Variants in CLHC1 observed in about 807,000 individuals in gnomAD.
The protein encoded by CLHC1 is clathrin heavy chain linker domain-containing protein 1.
A neutral mutation model predicts 69.5 loss-of-function variants in CLHC1; 72 were observed. The ratio of observed to expected loss-of-function variants is 1.04; its 90% CI spans 0.86 to 1.26. The LOEUF (loss-of-function observed/expected upper bound fraction) is 1.26, where lower values mean the gene tolerates loss of function less well. Ranked by LOEUF, CLHC1 falls within the 50% of genes most tolerant of loss-of-function variation. The pLI is 0.00. For synonymous variants in CLHC1, 223 were observed against 224.3 expected, an observed-to-expected ratio of 0.99 and a Z score of 0.05; for missense variants, 790 against 679.3, an observed-to-expected ratio of 1.16 and a Z score of -1.81.
chr2:55,202,637 C>G (rs575922071), intron 9 of CLHC1, among the ~76,000 whole-genome samples: 1 of 151,876 alleles, frequency 6.6e-6, no homozygotes, highest in African/African-American at 2.4e-5. Flanking sequence ...TGGCTAACAC[C>G]TGTAATCCCA....
At position 55,174,483 on chromosome 2, in the gene CLHC1, C is replaced by T. The variant is rs1391376489; in HGVS notation, c.*1307G>A. On this transcript the variant is annotated 3_prime_UTR_variant, in exon 13 of 13. Transcript: ENST00000401408. ...AGTAGAGAAATGTGTGTTTCTGGGG[C>T]CGATTACAAAGGAATTACAGCTATC... 3.3e-5 allele frequency among the ~76,000 whole-genome samples: 5 copies of T among 152,108 alleles called. No homozygotes were observed. Among genetic ancestry groups the T allele is most frequent in the Non-Finnish European group, 7.4e-5 (5 of 68,006 alleles).
chr2:55,188,837 C>A (rs1349814023), intron 9 of CLHC1, among the ~76,000 whole-genome samples: 2 of 151,878 alleles, frequency 1.3e-5, no homozygotes, highest in Non-Finnish European at 2.9e-5. Flanking sequence ...TAATTATAAG[C>A]AATAGTATAA....
intron 5 of CLHC1, among the ~76,000 whole-genome samples, chr2:55,211,459 G>T (rs1054959644): frequency 2.0e-5 from 3 of 147,136 alleles, no homozygotes; most frequent in African/African-American, 7.6e-5. Flanking sequence ...CCAAGATCAG[G>T]CCACTGCACT....
rs74785222 is a variant in CLHC1 at position 55,222,276 on chromosome 2, C to T, written c.136G>A (p.Ala46Thr). ...ERLGCSEEGP[A>T]DEYYIIYRNV... ...CGGTATATGATGTAATATTCATCAG[C>T]AGGTCCTTCCTCACTACAGCCCAGT... The change falls in exon 3 of 13, where the codon GCT (alanine) becomes ACT (threonine). Residue 46 changes from alanine to threonine, a missense_variant. Coordinates refer to ENST00000401408, the MANE Select transcript of CLHC1 (RefSeq NM_152385.4). 1.9e-6 allele frequency: 3 copies of T among 1,613,336 alleles called. No homozygotes were observed. Among genetic ancestry groups the T allele is most frequent in the Admixed American group, 3.3e-5 (2 of 59,964 alleles).
chr2:55,211,818 C>T (rs1673039368), intron 5 of CLHC1, among the ~76,000 whole-genome samples: 1 of 152,158 alleles, frequency 6.6e-6, no homozygotes, highest in African/African-American at 2.4e-5. Context: ...AGATGAATTC[C>T]AGGATATACT....
chr2:55,222,736 C>A (rs1674264110), intron 2 of CLHC1, among the ~76,000 whole-genome samples: 1 of 151,590 alleles, frequency 6.6e-6, no homozygotes, highest in South Asian at 2.1e-4. Context: ...GCCTGACCAA[C>A]ATGGAGAAAC....
intron 9 of CLHC1, among the ~76,000 whole-genome samples, chr2:55,182,604 G>C (rs1670033350): frequency 6.6e-6 from 1 of 152,142 alleles, no homozygotes; most frequent in Non-Finnish European, 1.5e-5. Flanking sequence ...ACAGTTTAGA[G>C]AGAACTACTG....
At chr2:55,181,135 C>T (rs1273103189) in intron 10 of CLHC1, among the ~76,000 whole-genome samples, 2 of 152,158 alleles carry the variant, frequency 1.3e-5, no homozygotes, top group Admixed American at 1.3e-4. Context: ...CGTGCGCCAC[C>T]ATGCCTGGCT....
chr2:55,204,241 G>A (rs987750688), intron 9 of CLHC1, among the ~76,000 whole-genome samples: 4 of 152,128 alleles, frequency 2.6e-5, no homozygotes, highest in African/African-American at 4.8e-5. Flanking sequence ...CCGAGATCAC[G>A]CCATTGCATT....
chr2:55,213,908 T>C (rs1042837992), intron 4 of CLHC1, among the ~76,000 whole-genome samples: 5 of 151,914 alleles, frequency 3.3e-5, no homozygotes, highest in Admixed American at 6.6e-5. Flanking sequence ...GGATGACAAA[T>C]TACTAAAAGA....
At chr2:55,211,358 C>T (rs944690004) in intron 5 of CLHC1, among the ~76,000 whole-genome samples, 4 of 151,772 alleles carry the variant, frequency 2.6e-5, no homozygotes, top group African/African-American at 4.8e-5. Context: ...AAAAATTAGC[C>T]GGGCGTGGTG....
chr2:55,223,498 T>A (rs1331669513), intron 2 of CLHC1, among the ~76,000 whole-genome samples: 1 of 151,978 alleles, frequency 6.6e-6, no homozygotes, highest in Non-Finnish European at 1.5e-5. Context: ...CGGGACTGAG[T>A]TCCGCGCCGG....
At chr2:55,185,684 G>C (rs1670353211) in intron 9 of CLHC1, among the ~76,000 whole-genome samples, 2 of 152,154 alleles carry the variant, frequency 1.3e-5, no homozygotes, top group African/African-American at 2.4e-5. Flanking sequence ...CTCCACACTT[G>C]TCTGCCTCTT....
intron 9 of CLHC1, among the ~76,000 whole-genome samples, chr2:55,185,785 T>C (rs1670362030): frequency 6.6e-6 from 1 of 152,162 alleles, no homozygotes; most frequent in African/African-American, 2.4e-5. Flanking sequence ...AACAGTTTAA[T>C]CTACAGTTAA....
intron 9 of CLHC1, among the ~76,000 whole-genome samples, chr2:55,198,191 A>T (rs1307187321): frequency 2.0e-5 from 3 of 152,222 alleles, no homozygotes; most frequent in African/African-American, 4.8e-5. Context: ...ATAAGGCACA[A>T]CTTCAAGATC....
chr2:55,215,965 C>T (rs1673451143), intron 4 of CLHC1: 1 of 152,074 alleles, frequency 6.6e-6, no homozygotes, highest in Admixed American at 6.6e-5. Flanking sequence ...TGCATAGTTT[C>T]CAAGTTGACT....
At chr2:55,199,296 C>CAAAAAAAAAAAA (rs57570449) in intron 9 of CLHC1, among the ~76,000 whole-genome samples, 1 of 70,958 alleles carries the variant, frequency 1.4e-5, no homozygotes, top group Non-Finnish European at 2.5e-5. Context: ...GACTCCATCT[C>CAAAAAAAAAAAA]AAAAAAAAAA....
chr2:55,216,304 AG>A (rs888919393), intron 4 of CLHC1, among the ~76,000 whole-genome samples: 2 of 151,732 alleles, frequency 1.3e-5, no homozygotes, highest in African/African-American at 4.8e-5. Flanking sequence ...AAAAAAAAAA[AG>A]AAAATTATCT....
At chr2:55,186,063 T>G (rs994572683) in intron 9 of CLHC1, among the ~76,000 whole-genome samples, 1 of 152,202 alleles carries the variant, frequency 6.6e-6, no homozygotes, top group Non-Finnish European at 1.5e-5. Flanking sequence ...ACAGTGTGGC[T>G]CACATGGACT....
Sources: gnomAD v4.1 joint callset for allele counts (sites outside exome capture counted in the v4.1 genomes callset) on GRCh38, gnomAD v4.1.1 for gene constraint, MANE v1.5 for transcripts, NCBI Gene and HGNC (gene_info 2026-07-23, HGNC 2026-07-21) for gene names.